Variants in BOLL observed in about 807,000 individuals in gnomAD.
BOLL encodes boule RNA binding protein.
Under a neutral mutation model 44.4 loss-of-function variants are expected in BOLL, and 23 were observed. The ratio of observed to expected loss-of-function variants is 0.52; its 90% CI spans 0.37 to 0.73. The LOEUF (loss-of-function observed/expected upper bound fraction) is 0.73. BOLL is among the 30% of genes least tolerant of loss of function. The probability of loss-of-function intolerance (pLI) is 0.00; values close to 1 mark genes in which losing one functional copy is unlikely to be tolerated. For synonymous variants in BOLL, 97 were observed against 110.8 expected, an observed-to-expected ratio of 0.88 and a Z score of 0.78; for missense variants, 287 against 338.3, an observed-to-expected ratio of 0.85 and a Z score of 1.19.
chr2:197,764,746 C>T (rs755457353), intron 7 of BOLL, among the ~76,000 whole-genome samples: 1 of 152,086 alleles, frequency 6.6e-6, no homozygotes, highest in Non-Finnish European at 1.5e-5. Context: ...AGGAAACAAA[C>T]TCTCAAATCA....
chr2:197,775,824 T>C, intron 4 of BOLL, 84 bp from the exon 5 acceptor site: 3 of 795,442 alleles, frequency 3.8e-6, no homozygotes, highest in Non-Finnish European at 5.6e-6. Context: ...TTAGAAAGAA[T>C]TTCAAAAATT....
intron 9 of BOLL, among the ~76,000 whole-genome samples, chr2:197,748,815 A>G (rs1161926569): frequency 6.6e-6 from 1 of 152,274 alleles, no homozygotes; most frequent in African/African-American, 2.4e-5. Context: ...CAGCTTCAGC[A>G]GACTTAAATG....
chr2:197,728,656 C>A, intron 10 of BOLL, 78 bp from the exon 11 acceptor site: 1 of 924,152 alleles, frequency 1.1e-6, no homozygotes, highest in African/African-American at 1.7e-5. Context: ...TGAGTACAGA[C>A]CATCAATCAA....
In BOLL at chr2:197,756,499, G is replaced by T; in HGVS notation, c.658C>A (p.Pro220Thr). The T allele has an allele frequency of 6.2e-7, 1 of 1,612,788 alleles. No individual in the cohort carries two copies. Among genetic ancestry groups the T allele is most frequent in the Non-Finnish European group, 8.5e-7 (1 of 1,179,112 alleles). ...YLQPSEVIYQ[P>T]VEIAQDGGCV... ...CCACCATCCTGTGCAATTTCCACTG[G>T]TTGATAAATAACCTCAGAAGGTTGC... The change falls in exon 9 of 11, where the codon CCA becomes ACA. Residue 220 changes from proline (P) to threonine (T), a missense_variant. Physicochemically the swap from Pro to Thr is conservative, Grantham distance 38 (BLOSUM62 -1). Coordinates refer to ENST00000392296, the MANE Select transcript of BOLL (RefSeq NM_033030.6).
rs986109329 is a variant in BOLL, at chr2:197,775,606, A to G, written c.352+59T>C. Reference sequence around the variant, plus strand: ...TTAATAAAGTTCTATAAAAAGTCTTATATTTCAAAAAAGAACCATGCAAAA... The same window carrying G: ...TTAATAAAGTTCTATAAAAAGTCTTGTATTTCAAAAAAGAACCATGCAAAA... On this transcript the variant is annotated intron_variant, in intron 5 of 10. Coordinates refer to ENST00000392296, the MANE Select transcript of BOLL (RefSeq NM_033030.6). The G allele has an allele frequency of 4.1e-5, 45 of 1,095,350 alleles. 2 individuals are homozygous for G. In the African/African-American group the frequency reaches 7.3e-4, roughly 18 times the overall value. 67.9% of individuals were successfully genotyped at this position (1,095,350 alleles called of 1,614,324 possible). A position where few individuals can be genotyped will look rare whatever the true frequency, so the allele number is the denominator to read the frequency against.
At chr2:197,730,255 T>C (rs1687095467) in intron 10 of BOLL, among the ~76,000 whole-genome samples, 1 of 127,720 alleles carries the variant, frequency 7.8e-6, no homozygotes. Context: ...AGAAGGGAAG[T>C]TTAGAGAAAA....
chr2:197,781,459 G>A (rs1274295006), intron 2 of BOLL, among the ~76,000 whole-genome samples: 1 of 152,116 alleles, frequency 6.6e-6, no homozygotes, highest in Non-Finnish European at 1.5e-5. Context: ...AGAAAACTAG[G>A]CTTCTAGTCT....
chr2:197,780,103 C>T (rs1430039365), intron 2 of BOLL, among the ~76,000 whole-genome samples: 1 of 151,964 alleles, frequency 6.6e-6, no homozygotes, highest in Admixed American at 6.6e-5. Flanking sequence ...AGAATTGTTA[C>T]TAGATATTTG....
rs1387803351 is a variant in BOLL, at chr2:197,779,046, T to C, written c.150A>G (p.Arg50=). ...IDFKTNESDL[R]KFFSQYGSVK... is the part of the protein sequence containing the mutation. ...CAGACCCATACTGGGAAAAAAATTT[T>C]CTTAAATCACTTTCGTTTGTCTAAT... is the stretch of plus-strand genomic sequence containing the variant. The change falls in exon 3 of 11, where the codon AGA becomes AGG. Residue 50 remains arginine, a synonymous_variant. Coordinates refer to ENST00000392296, the MANE Select transcript of BOLL (RefSeq NM_033030.6). 2.5e-6 allele frequency: 4 copies of C among 1,610,658 alleles called. No homozygotes were observed. Among genetic ancestry groups the C allele is most frequent in the Non-Finnish European group, 2.5e-6 (3 of 1,178,108 alleles).
At chr2:197,739,313 A>G (rs1687634457) in intron 10 of BOLL, among the ~76,000 whole-genome samples, 2 of 152,126 alleles carry the variant, frequency 1.3e-5, no homozygotes, top group Non-Finnish European at 2.9e-5. Context: ...CCAAACTAGA[A>G]TGCAGTGGCG....
At chr2:197,728,632 T>G in intron 10 of BOLL, 54 bp from the exon 11 acceptor site, 1 of 1,318,744 alleles carries the variant, frequency 7.6e-7, no homozygotes, top group Non-Finnish European at 1.1e-6. Context: ...AAAAAAAAGA[T>G]AAGTTAGAAC....
intron 6 of BOLL, among the ~76,000 whole-genome samples, chr2:197,767,753 A>C (rs1322355542): frequency 6.6e-6 from 1 of 152,026 alleles, no homozygotes; most frequent in Non-Finnish European, 1.5e-5. Context: ...AATCTGGCTC[A>C]AAATGTCAAC....
At chr2:197,770,407 T>G (rs1380396664) in intron 6 of BOLL, among the ~76,000 whole-genome samples, 2 of 152,142 alleles carry the variant, frequency 1.3e-5, no homozygotes, top group Non-Finnish European at 2.9e-5. Context: ...GGAGAAAACC[T>G]AGGCAATACC....
At chr2:197,778,226 G>A (rs1373394978) in intron 3 of BOLL, among the ~76,000 whole-genome samples, 2 of 151,864 alleles carry the variant, frequency 1.3e-5, no homozygotes, top group Non-Finnish European at 2.9e-5. Context: ...TCTGTCGAAT[G>A]TTGTTTCTCA....
At chr2:197,741,646 T>C (rs1419949832) in intron 10 of BOLL, among the ~76,000 whole-genome samples, 1 of 152,006 alleles carries the variant, frequency 6.6e-6, no homozygotes, top group African/African-American at 2.4e-5. Context: ...CCTTACACCT[T>C]ATACAAAAAT....
At chr2:197,770,457 A>T (rs1689192844) in intron 6 of BOLL, among the ~76,000 whole-genome samples, 1 of 152,216 alleles carries the variant, frequency 6.6e-6, no homozygotes. Flanking sequence ...CATGTCTAAA[A>T]CACCAAAAGC....
chr2:197,778,915 C>T (rs1689641478), intron 3 of BOLL, 60 bp downstream of exon 3: 1 of 1,431,962 alleles, frequency 7.0e-7, no homozygotes, highest in South Asian at 1.2e-5. Context: ...GCGTACAAAA[C>T]CTAGTCATCC....
In BOLL at chr2:197,756,790, T is replaced by C. The variant is rs76766960; in HGVS notation, c.601-234A>G. 2.8e-4 allele frequency among the ~76,000 whole-genome samples: 43 copies of C among 152,266 alleles called. No homozygotes were observed. In the East Asian group the frequency reaches 7.3e-3, roughly 26 times the overall value. On this transcript the variant is annotated intron_variant, in intron 8 of 10. Coordinates refer to ENST00000392296, the MANE Select transcript of BOLL (RefSeq NM_033030.6). The stretch of plus-strand genomic sequence containing the variant: ...GTAAGCACTAGAACTTCTTAATGAC[T>C]GAGAACCTCATATATAAATTCAGAT...
chr2:197,744,056 G>A (rs537791421), intron 9 of BOLL, among the ~76,000 whole-genome samples: 4 of 152,144 alleles, frequency 2.6e-5, no homozygotes, highest in Non-Finnish European at 4.4e-5. Flanking sequence ...GGATCCACCC[G>A]CCTCGGCCTC....
Sources: gnomAD v4.1 joint callset for allele counts (sites outside exome capture counted in the v4.1 genomes callset) on GRCh38, gnomAD v4.1.1 for gene constraint, MANE v1.5 for transcripts, NCBI Gene and HGNC (gene_info 2026-07-23, HGNC 2026-07-21) for gene names.